Variants in LOXL2 observed in about 807,000 individuals in gnomAD.
LOXL2 encodes the protein lysyl oxidase homolog 2.
LOXL2 carries 70 observed loss-of-function variants against 93.0 expected under a neutral mutation model. The ratio of observed to expected loss-of-function variants is 0.75; its 90% CI spans 0.62 to 0.92. The LOEUF is 0.92. Ranked by LOEUF, LOXL2 falls within the 40% of genes least tolerant of loss-of-function variation. LOXL2 has a pLI of 0.00. For synonymous variants in LOXL2, 438 were observed against 413.2 expected (o/e 1.06, Z -0.73); for missense variants, 973 against 1,054.9 (o/e 0.92, Z 1.08).
chr8:23,350,070 G>A (rs7018424), intron 3 of LOXL2, among the ~76,000 whole-genome samples: 46,455 of 151,912 alleles, frequency 0.31, 7,957 homozygotes, highest in Middle Eastern at 0.4. Flanking sequence ...TGTCACCTGA[G>A]CTCCCTAACA....
chr8:23,390,922 C>T (rs1177992157), intron 1 of LOXL2, among the ~76,000 whole-genome samples: 1 of 152,004 alleles, frequency 6.6e-6, no homozygotes, highest in Non-Finnish European at 1.5e-5. Context: ...GGGGAGGCCT[C>T]ACAATCATGG....
At chr8:23,333,972 T>G (rs1174330082) in intron 4 of LOXL2, among the ~76,000 whole-genome samples, 3 of 152,194 alleles carry the variant, frequency 2.0e-5, no homozygotes, top group Non-Finnish European at 4.4e-5. Context: ...TCCCTGGTCC[T>G]AGAAAACCCC....
At chr8:23,300,033 C>T (rs971741890) in intron 12 of LOXL2, among the ~76,000 whole-genome samples, 1 of 152,234 alleles carries the variant, frequency 6.6e-6, no homozygotes, top group Admixed American at 6.5e-5. Context: ...TTCCACCCAA[C>T]CATTCTAGCT....
intron 3 of LOXL2, among the ~76,000 whole-genome samples, chr8:23,350,088 C>T (rs1804066317): frequency 6.6e-6 from 1 of 152,050 alleles, no homozygotes; most frequent in African/African-American, 2.4e-5. Context: ...ACACCCTCTC[C>T]CCTTTTCCCT....
intron 3 of LOXL2, among the ~76,000 whole-genome samples, chr8:23,353,013 GGGTGGAGT>G (rs1804120551): frequency 6.7e-6 from 1 of 148,266 alleles, no homozygotes; most frequent in Admixed American, 6.8e-5. Context: ...GGGTGGGGAG[GGGTGGAGT>G]GGGGTGGGGT....
chr8:23,391,118 G>C (rs1411496489), intron 1 of LOXL2, among the ~76,000 whole-genome samples: 1 of 152,072 alleles, frequency 6.6e-6, no homozygotes, highest in Non-Finnish European at 1.5e-5. Flanking sequence ...CTCCCACTGG[G>C]TCCCTTCCAC....
chr8:23,360,000 C>A, intron 3 of LOXL2, 90 bp downstream of exon 3: 1 of 1,251,860 alleles, frequency 8.0e-7, no homozygotes, highest in Non-Finnish European at 1.1e-6. Flanking sequence ...CCTGCTCACA[C>A]ACACTTCTTG....
intron 5 of LOXL2, among the ~76,000 whole-genome samples, chr8:23,329,883 C>T (rs558792196): frequency 6.6e-6 from 1 of 152,318 alleles, no homozygotes; most frequent in African/African-American, 2.4e-5. Flanking sequence ...ACCAATTGTA[C>T]CTTGGGGCTG....
chr8:23,347,842 T>A (rs1804019730), intron 3 of LOXL2, among the ~76,000 whole-genome samples: 1 of 151,896 alleles, frequency 6.6e-6, no homozygotes, highest in African/African-American at 2.4e-5. Flanking sequence ...GCACCAGCGA[T>A]CCCATTACTG....
intron 3 of LOXL2, among the ~76,000 whole-genome samples, chr8:23,347,719 C>T (rs1251384620): frequency 6.6e-6 from 1 of 151,946 alleles, no homozygotes; most frequent in Non-Finnish European, 1.5e-5. Flanking sequence ...CTATAATCCT[C>T]GTGCTTTGAG....
chr8:23,333,825 G>A (rs1337227184), intron 4 of LOXL2, among the ~76,000 whole-genome samples: 6 of 152,222 alleles, frequency 3.9e-5, no homozygotes, highest in Admixed American at 3.9e-4. Flanking sequence ...TGGGGGACAG[G>A]ACGCAGAGGG....
chr8:23,400,762 C>CA (rs1381899835), intron 1 of LOXL2, among the ~76,000 whole-genome samples: 1 of 152,090 alleles, frequency 6.6e-6, no homozygotes, highest in Non-Finnish European at 1.5e-5. Context: ...GGAATCCCAG[C>CA]AACAGTCATT....
At chr8:23,322,767 T>C (rs1468574240) in intron 6 of LOXL2, among the ~76,000 whole-genome samples, 1 of 152,098 alleles carries the variant, frequency 6.6e-6, no homozygotes, top group Non-Finnish European at 1.5e-5. Context: ...TGAAGGGAAA[T>C]CACAGAGCAC....
chr8:23,309,786 C>A lies in LOXL2; in HGVS notation c.1762G>T (p.Asp588Tyr), dbSNP rs764501060. The change falls in exon 10 of 14, where the codon GAC becomes TAC. Residue 588 changes from aspartate (D) to tyrosine (Y), a missense_variant. Transcript: ENST00000389131. ...NCLSASAAQT[D>Y]PTTGYRRLLR... Reference sequence around the variant, plus strand: ...AGCCGGCGGTAGCCCGTGGTGGGGTCGGTCTGCGCGGCTGAGGCCGAGAGG... The same window carrying A: ...AGCCGGCGGTAGCCCGTGGTGGGGTAGGTCTGCGCGGCTGAGGCCGAGAGG... 6.2e-7 allele frequency: 1 copy of A among 1,603,288 alleles called. No homozygotes were observed. The highest frequency in any genetic ancestry group is 8.5e-7 in the Non-Finnish European group (1 of 1,175,282).
rs544990583 is a variant in LOXL2 at position 23,359,141 on chromosome 8, C to T, written c.531+949G>A. The stretch of plus-strand genomic sequence containing the variant: ...TGCTGGGATTACAGGCATAAGCCCC[C>T]GCGCCCGACCCAGTACCTGCATTTT... On this transcript the variant is annotated intron_variant, in intron 3 of 13. Coordinates refer to ENST00000389131, the MANE Select transcript of LOXL2 (RefSeq NM_002318.3). 1.1e-4 allele frequency among the ~76,000 whole-genome samples: 17 copies of T among 151,952 alleles called. 1 individual carries two copies. In the South Asian group the frequency reaches 2.9e-3, roughly 26 times the overall value.
In LOXL2 at chr8:23,309,639, T is replaced by C. The variant is rs573212921; in HGVS notation, c.1880+29A>G. 10 of 1,404,498 alleles carry C rather than the reference T, an allele frequency of 7.1e-6. No individual in the cohort carries two copies. The Admixed American group carries it at 2.7e-4, about 38-fold the overall frequency. The allele number at this position is 1,404,498 out of a possible 1,614,324, so 87.0% of individuals were successfully genotyped here. On this transcript the variant is annotated intron_variant, in intron 10 of 13. Transcript: ENST00000389131. ...CCTGCAGGATGTCCGCCGGGCAGCT[T>C]AGTGGGGAGGGTGGCCAGCCAGGCC...
At chr8:23,396,210 C>T (rs1335476870) in intron 1 of LOXL2, among the ~76,000 whole-genome samples, 2 of 151,830 alleles carry the variant, frequency 1.3e-5, no homozygotes, top group African/African-American at 2.4e-5. Context: ...CCCAGCTACT[C>T]GGGAGGCTGA....
chr8:23,383,911 C>G (rs1012961729), intron 1 of LOXL2, among the ~76,000 whole-genome samples: 2 of 152,008 alleles, frequency 1.3e-5, no homozygotes, highest in African/African-American at 2.4e-5. Context: ...CCACCCGCCT[C>G]GGCCTCCCAA....
intron 7 of LOXL2, among the ~76,000 whole-genome samples, 178 bp from the exon 8 acceptor site, chr8:23,320,230 T>C (rs1271102418): frequency 2.0e-5 from 3 of 152,148 alleles, no homozygotes; most frequent in East Asian, 1.9e-4. Flanking sequence ...CATGGTCTTA[T>C]AGTGAGGTCC....
Sources: allele counts gnomAD v4.1 joint callset (sites outside exome capture counted in the v4.1 genomes callset), GRCh38; gene constraint gnomAD v4.1.1; transcripts MANE v1.5; gene names NCBI Gene and HGNC (gene_info 2026-07-23, HGNC 2026-07-21).